The following TMEM178B variants were observed in gnomAD, a reference collection of about 807,000 sequenced individuals.
TMEM178B encodes the protein transmembrane protein 178B.
TMEM178B carries 5 observed loss-of-function variants against 31.0 expected under a neutral mutation model. The observed-to-expected ratio is 0.16, with a 90% CI of 0.08 to 0.34. The LOEUF (loss-of-function observed/expected upper bound fraction) is 0.34. Ranked by LOEUF, TMEM178B falls within the 10% of genes least tolerant of loss-of-function variation. The probability of loss-of-function intolerance (pLI) is 1.00; values close to 1 mark genes in which losing one functional copy is unlikely to be tolerated. For missense variants in TMEM178B, 275 were observed against 400.3 expected, an observed-to-expected ratio of 0.69 and a Z score of 2.67; for synonymous variants, 164 against 164.0, an observed-to-expected ratio of 1.00 and a Z score of 0.00.
At chr7:141,280,834 T>C (rs217003) in intron 2 of TMEM178B, among the ~76,000 whole-genome samples, 134,284 of 152,166 alleles carry the variant, frequency 0.88, 59,350 homozygotes, top group Non-Finnish European at 0.91. Context: ...ATGACACAGG[T>C]GGCCTGCTGG....
chr7:141,083,784 GA>G lies in TMEM178B; in HGVS notation c.382+9101del, dbSNP rs763353772. The stretch of plus-strand genomic sequence containing the variant: ...GGTTAAAATGGTAAATTACCCCAAG[GA>G]AAAAAAAATACATTTAAACACTCAA... On this transcript the variant is annotated intron_variant, in intron 1 of 3. Transcript: ENST00000565468. 3.4e-4 allele frequency among the ~76,000 whole-genome samples: 51 copies of G among 149,764 alleles called. No individual in the cohort carries two copies. In the South Asian group the frequency reaches 6.7e-3, roughly 20 times the overall value.
At chr7:141,408,939 G>T (rs1800933392) in intron 2 of TMEM178B, among the ~76,000 whole-genome samples, 1 of 152,166 alleles carries the variant, frequency 6.6e-6, no homozygotes, top group South Asian at 2.1e-4. Context: ...TGGTAGATCT[G>T]ACTGTCATGA....
chr7:141,476,214 A>G lies in TMEM178B; in HGVS notation c.*5428A>G, dbSNP rs1180382561. 6 of 152,154 alleles carry G rather than the reference A, an allele frequency of 3.9e-5. No homozygotes were observed. Among genetic ancestry groups the G allele is most frequent in the Non-Finnish European group, 7.3e-5 (5 of 68,030 alleles). 9.4% of individuals were successfully genotyped at this position (152,154 alleles called of 1,614,324 possible). ...GGCTGGACCTGTCGCACTTAAGCAC[A>G]CTTAAAGGATTCTATTCTTCATTCA... On this transcript the variant is annotated 3_prime_UTR_variant, in exon 4 of 4. Transcript: ENST00000565468.
chr7:141,268,763 A>G (rs1443961391), intron 2 of TMEM178B, among the ~76,000 whole-genome samples: 1 of 152,236 alleles, frequency 6.6e-6, no homozygotes, highest in Non-Finnish European at 1.5e-5. Flanking sequence ...AAGCACAATT[A>G]AAACAGTGGC....
chr7:141,460,491 T>A (rs1802041929), intron 3 of TMEM178B, among the ~76,000 whole-genome samples: 1 of 152,242 alleles, frequency 6.6e-6, no homozygotes, highest in African/African-American at 2.4e-5. Flanking sequence ...ACGTGAATTT[T>A]TCAAGGGCAA....
intron 1 of TMEM178B, among the ~76,000 whole-genome samples, chr7:141,149,098 G>T (rs1298654529): frequency 6.6e-6 from 1 of 152,198 alleles, no homozygotes; most frequent in Non-Finnish European, 1.5e-5. Flanking sequence ...TTGTGCTAAG[G>T]TTTTGTTGTA....
At chr7:141,337,786 CA>C (rs995818121) in intron 2 of TMEM178B, among the ~76,000 whole-genome samples, 7 of 150,564 alleles carry the variant, frequency 4.6e-5, no homozygotes, top group Non-Finnish European at 1.0e-4. Flanking sequence ...CCACTGCAAA[CA>C]AAAAAAGGTG....
chr7:141,448,582 A>G (rs559446451), intron 3 of TMEM178B, among the ~76,000 whole-genome samples: 1 of 152,298 alleles, frequency 6.6e-6, no homozygotes, highest in Admixed American at 6.5e-5. Flanking sequence ...AGATGGCTGT[A>G]TAGGAAAGCC....
chr7:141,507,607 G>A, the TMEM178B span, among the ~76,000 whole-genome samples: 541 of 152,330 alleles, frequency 3.6e-3, 6 homozygotes, highest in African/African-American at 0.012. Flanking sequence ...CTGACCTCAG[G>A]TGATCCTCCT....
At chr7:141,353,498 A>T (rs1799769409) in intron 2 of TMEM178B, among the ~76,000 whole-genome samples, 1 of 152,198 alleles carries the variant, frequency 6.6e-6, no homozygotes, top group African/African-American at 2.4e-5. Flanking sequence ...TTTTGACAAG[A>T]GCCACTCTTC....
chr7:141,301,703 T>G (rs1441496680), intron 2 of TMEM178B, among the ~76,000 whole-genome samples: 1 of 152,192 alleles, frequency 6.6e-6, no homozygotes, highest in African/African-American at 2.4e-5. Flanking sequence ...TGGGAAGTGT[T>G]GGCCTCTTTT....
rs138739571 is a variant in TMEM178B at position 141,138,527 on chromosome 7, G to T, written c.382+63835G>T. Among the ~76,000 whole-genome samples, 705 of 152,170 alleles carry T rather than the reference G, an allele frequency of 4.6e-3. 2 individuals are homozygous for T. Among genetic ancestry groups the T allele is most frequent in the Non-Finnish European group, 7.7e-3 (523 of 68,000 alleles). ...GCCTTGCCTTCTGAGGGTGGGGGTG[G>T]AGGTGTGTGTGGGTATGGATGGGGA... On this transcript the variant is annotated intron_variant, in intron 1 of 3. Coordinates refer to ENST00000565468, the MANE Select transcript of TMEM178B (RefSeq NM_001195278.2).
intron 2 of TMEM178B, among the ~76,000 whole-genome samples, chr7:141,303,458 A>C (rs2116445144): frequency 6.6e-6 from 1 of 152,338 alleles, no homozygotes; most frequent in South Asian, 2.1e-4. Flanking sequence ...CTTCACATTG[A>C]CAGCCAGAGT....
Position 141,475,349 on chromosome 7 carries a change from A to G in TMEM178B, c.*4563A>G, listed in dbSNP as rs1206552945. ...TTTCATTGATGCTGCCATGATGCAA[A>G]ATGTTTCTTAAACATTATTCCTGGT... On this transcript the variant is annotated 3_prime_UTR_variant, in exon 4 of 4. Transcript: ENST00000565468. 6.6e-6 allele frequency: 1 copy of G among 152,160 alleles called. No individual in the cohort carries two copies. Among genetic ancestry groups the G allele is most frequent in the Non-Finnish European group, 1.5e-5 (1 of 68,018 alleles). 9.4% of individuals were successfully genotyped at this position (152,160 alleles called of 1,614,324 possible).
rs980492930 is a variant in TMEM178B, at chr7:141,383,219, C to CT, written c.497-54379dup. 2.4e-3 allele frequency among the ~76,000 whole-genome samples: 357 copies of CT among 145,942 alleles called. 2 individuals carry two copies. Among genetic ancestry groups the CT allele is most frequent in the African/African-American group, 8.5e-3 (328 of 38,550 alleles). On this transcript the variant is annotated intron_variant, in intron 2 of 3. Coordinates refer to ENST00000565468, the MANE Select transcript of TMEM178B (RefSeq NM_001195278.2). Reference sequence around the variant, plus strand: ...AACAAGAAAACAGAGTAAGATAATTCTTTTTTTTTTAAATTATACTTTAAG... The same window carrying CT: ...AACAAGAAAACAGAGTAAGATAATTCTTTTTTTTTTTAAATTATACTTTAAG...
At chr7:141,371,282 C>A (rs1428645551) in intron 2 of TMEM178B, among the ~76,000 whole-genome samples, 1 of 151,256 alleles carries the variant, frequency 6.6e-6, no homozygotes, top group African/African-American at 2.4e-5. Flanking sequence ...TTAGTTCCCT[C>A]TAGAGCTGGT....
At chr7:141,214,435 A>T (rs1797099549) in intron 2 of TMEM178B, among the ~76,000 whole-genome samples, 1 of 152,262 alleles carries the variant, frequency 6.6e-6, no homozygotes, top group Non-Finnish European at 1.5e-5. Context: ...GGGGAGAGAC[A>T]TTCATAATAC....
chr7:141,416,926 C>G (rs956257179), intron 2 of TMEM178B, among the ~76,000 whole-genome samples: 1 of 152,166 alleles, frequency 6.6e-6, no homozygotes, highest in African/African-American at 2.4e-5. Context: ...AAAAATGTTT[C>G]CAGTCATGTG....
chr7:141,224,365 T>G (rs1007172662), intron 2 of TMEM178B, among the ~76,000 whole-genome samples: 2 of 152,228 alleles, frequency 1.3e-5, no homozygotes, highest in Admixed American at 6.5e-5. Context: ...GTGCTTGTAT[T>G]TCTTTTACGG....
Sources: allele counts gnomAD v4.1 joint callset (sites outside exome capture counted in the v4.1 genomes callset), GRCh38; gene constraint gnomAD v4.1.1; transcripts MANE v1.5; gene names NCBI Gene and HGNC (gene_info 2026-07-23, HGNC 2026-07-21).